The following ZNRF3 variants were observed in gnomAD, a reference collection of about 807,000 sequenced individuals.
ZNRF3 encodes the protein zinc and ring finger 3.
In ZNRF3, 23 loss-of-function variants were observed where a neutral mutation model predicts 72.5. That is an observed-to-expected ratio of 0.32 (90% CI 0.23 to 0.45). The LOEUF is 0.45. ZNRF3 is among the 20% of genes least tolerant of loss of function. The pLI, the probability that ZNRF3 is intolerant of heterozygous loss-of-function variation, is 1.00. For synonymous variants in ZNRF3, 610 were observed against 545.3 expected, an observed-to-expected ratio of 1.12 and a Z score of -1.65; for missense variants, 1,169 against 1,272.1, an observed-to-expected ratio of 0.92 and a Z score of 1.23.
intron 2 of ZNRF3, among the ~76,000 whole-genome samples, chr22:29,000,176 T>A (rs886300734): frequency 6.6e-6 from 1 of 152,206 alleles, no homozygotes; most frequent in Non-Finnish European, 1.5e-5. Context: ...GTTATAAAAA[T>A]AATAAAAGAG....
chr22:28,969,155 T>G (rs1435695881), intron 1 of ZNRF3, among the ~76,000 whole-genome samples: 1 of 152,152 alleles, frequency 6.6e-6, no homozygotes, highest in Non-Finnish European at 1.5e-5. Flanking sequence ...TGGTTTTAAG[T>G]AAGGACAGTG....
chr22:28,981,469 T>C (rs1271621573), intron 1 of ZNRF3, among the ~76,000 whole-genome samples: 1 of 152,088 alleles, frequency 6.6e-6, no homozygotes, highest in Non-Finnish European at 1.5e-5. Flanking sequence ...GGATTATAGG[T>C]GTGTGTCACT....
chr22:29,035,063 C>CA (rs2036842598), intron 2 of ZNRF3, among the ~76,000 whole-genome samples: 1 of 141,542 alleles, frequency 7.1e-6, no homozygotes, highest in African/African-American at 2.7e-5. Flanking sequence ...AGGCTGGTCT[C>CA]AAACTCCTGG....
intron 2 of ZNRF3, among the ~76,000 whole-genome samples, chr22:29,038,669 A>G (rs1200111440): frequency 6.6e-6 from 1 of 152,090 alleles, no homozygotes; most frequent in Non-Finnish European, 1.5e-5. Context: ...GTATAATAAA[A>G]GTGTCTTTTT....
At chr22:28,894,824 C>T (rs1308667425) in intron 1 of ZNRF3, among the ~76,000 whole-genome samples, 5 of 151,898 alleles carry the variant, frequency 3.3e-5, no homozygotes, top group East Asian at 1.9e-4. Flanking sequence ...TTTGTTCGAT[C>T]GCTGTTAAAA....
intron 1 of ZNRF3, among the ~76,000 whole-genome samples, chr22:28,907,962 C>T (rs1420526102): frequency 2.6e-5 from 4 of 152,140 alleles, no homozygotes; most frequent in South Asian, 2.1e-4. Flanking sequence ...GGGAAGTGGG[C>T]GTTTTCTAAA....
intron 2 of ZNRF3, among the ~76,000 whole-genome samples, chr22:29,006,209 G>A (rs1342222928): frequency 6.8e-5 from 5 of 73,998 alleles, no homozygotes; most frequent in Non-Finnish European, 1.0e-4. Context: ...CTTATCATCC[G>A]TTTCTTTTTT....
At chr22:28,949,961 AT>A (rs132560) in intron 1 of ZNRF3, among the ~76,000 whole-genome samples, 1 of 150,580 alleles carries the variant, frequency 6.6e-6, no homozygotes, top group African/African-American at 2.4e-5. Flanking sequence ...GCCACGCAGA[AT>A]TTTTTTTTTA....
chr22:28,896,489 C>G (rs770836517), intron 1 of ZNRF3, among the ~76,000 whole-genome samples: 3 of 152,244 alleles, frequency 2.0e-5, no homozygotes, highest in Non-Finnish European at 4.4e-5. Flanking sequence ...GTCTCAAACT[C>G]CTGACCTCAA....
intron 2 of ZNRF3, among the ~76,000 whole-genome samples, chr22:29,036,392 T>C (rs1174794331): frequency 3.3e-5 from 5 of 152,192 alleles, no homozygotes; most frequent in African/African-American, 1.2e-4. Flanking sequence ...GGATTAGTAA[T>C]GTTAGTATTA....
chr22:29,039,589 C>G (rs181921805), intron 2 of ZNRF3, among the ~76,000 whole-genome samples: 1 of 132,452 alleles, frequency 7.5e-6, no homozygotes, highest in Non-Finnish European at 1.5e-5. Flanking sequence ...CATCTACTTA[C>G]AATTATATTA....
chr22:29,043,190 G>A, intron 3 of ZNRF3, 109 bp from the exon 4 acceptor site: 4 of 1,257,514 alleles, frequency 3.2e-6, no homozygotes, highest in Non-Finnish European at 4.3e-6. Context: ...TGGAAGAGCT[G>A]GAGGATTCCA....
At chr22:28,996,314 C>T (rs916238713) in intron 2 of ZNRF3, among the ~76,000 whole-genome samples, 5 of 152,178 alleles carry the variant, frequency 3.3e-5, no homozygotes, top group African/African-American at 1.2e-4. Flanking sequence ...TGAGGTTTTC[C>T]AGGGACATCA....
intron 8 of ZNRF3, among the ~76,000 whole-genome samples, chr22:29,052,724 A>G (rs554315906): frequency 1.6e-4 from 24 of 151,452 alleles, no homozygotes; most frequent in African/African-American, 5.3e-4. Context: ...CTCCTGGCTG[A>G]GTGCTTTGGA....
chr22:28,896,631 G>T (rs923754570), intron 1 of ZNRF3, among the ~76,000 whole-genome samples: 2 of 152,242 alleles, frequency 1.3e-5, no homozygotes, highest in African/African-American at 4.8e-5. Flanking sequence ...TGTGTGTTTA[G>T]CACCTTTATG....
chr22:28,975,526 AAAG>A (rs2035655727), intron 1 of ZNRF3, among the ~76,000 whole-genome samples: 1 of 148,152 alleles, frequency 6.7e-6, no homozygotes, highest in Non-Finnish European at 1.5e-5. Flanking sequence ...AAAAAAAAAA[AAAG>A]AGTTCAAGAC....
chr22:29,027,572 C>T (rs2036663437), intron 2 of ZNRF3, among the ~76,000 whole-genome samples: 1 of 152,162 alleles, frequency 6.6e-6, no homozygotes, highest in Non-Finnish European at 1.5e-5. Context: ...AATAAGCTCC[C>T]CCAGGCATTC....
Position 29,057,385 on chromosome 22 carries a change from G to A in ZNRF3, c.*3763G>A, listed in dbSNP as rs1313208531. 1 of 152,008 alleles carries A rather than the reference G, an allele frequency of 6.6e-6. No individual in the cohort carries two copies. Among genetic ancestry groups the A allele is most frequent in the Admixed American group, 6.5e-5 (1 of 15,270 alleles). The allele number at this position is 152,008 out of a possible 1,614,324, so 9.4% of individuals were successfully genotyped here. A position where few individuals can be genotyped will look rare whatever the true frequency, so the allele number is the denominator to read the frequency against. ...AATTGCACACAGATTTTACATATTT[G>A]CAGACCAAAAATGATTTAAAACAAG... On this transcript the variant is annotated 3_prime_UTR_variant, in exon 9 of 9. Coordinates refer to ENST00000544604, the MANE Select transcript of ZNRF3 (RefSeq NM_001206998.2).
At chr22:28,914,354 C>T (rs2034370833) in intron 1 of ZNRF3, among the ~76,000 whole-genome samples, 1 of 152,142 alleles carries the variant, frequency 6.6e-6, no homozygotes, top group Non-Finnish European at 1.5e-5. Flanking sequence ...GCTCTGCTGA[C>T]TCTAGCTGCC....
Sources: allele counts gnomAD v4.1 joint callset (sites outside exome capture counted in the v4.1 genomes callset), GRCh38; gene constraint gnomAD v4.1.1; transcripts MANE v1.5; gene names NCBI Gene and HGNC (gene_info 2026-07-23, HGNC 2026-07-21).